Variants in GMPR2 observed in about 807,000 individuals in gnomAD.
GMPR2 encodes GMP reductase 2.
In GMPR2, 32 loss-of-function variants were observed where a neutral mutation model predicts 38.5. That is an observed-to-expected ratio of 0.83 (90% CI 0.63 to 1.12). The LOEUF is 1.12. GMPR2 is among the 50% of genes most tolerant of loss of function. The pLI is 0.00. For synonymous variants in GMPR2, 154 were observed against 151.0 expected, an observed-to-expected ratio of 1.02 and a Z score of -0.15; for missense variants, 396 against 432.1, an observed-to-expected ratio of 0.92 and a Z score of 0.74.
chr14:24,235,481 T>C (rs1235696838), intron 3 of GMPR2: 1 of 514,466 alleles, frequency 1.9e-6, no homozygotes, highest in East Asian at 3.3e-5. Context: ...GTGAATGTGC[T>C]GGCAGATGAA....
intron 8 of GMPR2, 25 bp from the exon 9 acceptor site, chr14:24,238,220 CT>C (rs757446321): frequency 3.8e-6 from 6 of 1,591,382 alleles, no homozygotes; most frequent in Non-Finnish European, 4.3e-6. Flanking sequence ...AGATTAATCT[CT>C]TTCCCCCCTC....
chr14:24,233,321 C>A lies in GMPR2; in HGVS notation c.68C>A (p.Thr23Asn). ...KDVLLRPKRS[T>N]LKSRSEVDLT... The stretch of plus-strand genomic sequence containing the variant: ...GTCCTTTTGAGGCCCAAACGCAGTA[C>A]CCTTAAGTCTCGAAGTGAGGTGAGC... The change falls in exon 2 of 10, where the codon ACC becomes AAC. Residue 23 changes from threonine (T) to asparagine (N), a missense_variant. Physicochemically the swap from Thr to Asn is moderately conservative, Grantham distance 65 (BLOSUM62 0). Transcript: ENST00000399440. The A allele has an allele frequency of 1.2e-6, 2 of 1,614,118 alleles. No individual in the cohort carries two copies. The highest frequency in any genetic ancestry group is 4.5e-5 in the East Asian group (2 of 44,882).
chr14:24,233,249 G>A lies in GMPR2; in HGVS notation c.-5G>A, dbSNP rs182695532. 1.2e-6 allele frequency: 2 copies of A among 1,614,090 alleles called. No homozygotes were observed. Among genetic ancestry groups the A allele is most frequent in the Admixed American group, 3.3e-5 (2 of 60,026 alleles). On this transcript the variant is annotated 5_prime_UTR_variant, in exon 2 of 10. Coordinates refer to ENST00000399440, the MANE Select transcript of GMPR2 (RefSeq NM_001002002.3). ...AGATTCATCGCTACCCCGAGGCTAA[G>A]CGCCATGCCTCATATTGACAACGAT...
chr14:24,237,630 G>T, intron 8 of GMPR2, 68 bp downstream of exon 8: 2 of 1,375,786 alleles, frequency 1.5e-6, no homozygotes, highest in Non-Finnish European at 2.1e-6. Context: ...AGGGTCTAGG[G>T]TCAGGCTAAG....
chr14:24,237,880 G>A, intron 8 of GMPR2: 1 of 489,748 alleles, frequency 2.0e-6, no homozygotes, highest in East Asian at 3.3e-5. Flanking sequence ...CTTCCCAGGA[G>A]ATCATTACTC....
At chr14:24,237,601 A>G in intron 8 of GMPR2, 39 bp downstream of exon 8, 3 of 1,565,436 alleles carry the variant, frequency 1.9e-6, no homozygotes, top group South Asian at 1.1e-5. Context: ...ATTCTATACA[A>G]GAGGATGAAT....
Position 24,233,594 on chromosome 14 carries a change from G to A in GMPR2, c.203G>A (p.Cys68Tyr). ...ACCTTTGAGATGGCCAAGGTTCTCT[G>A]TAAGGTAGGGCTTTCCTCATGCCCC... Reference protein sequence around the residue: ...VGTFEMAKVLCKFSLFTAVHK... With the variant: ...VGTFEMAKVLYKFSLFTAVHK... Residue 68 changes from cysteine (C) to tyrosine (Y), a missense_variant, in exon 3 of 10, where the codon TGT becomes TAT. Physicochemically the swap from Cys to Tyr is radical, Grantham distance 194 (BLOSUM62 -2). Transcript: ENST00000399440. The A allele has an allele frequency of 6.2e-7, 1 of 1,614,178 alleles. No individual in the cohort carries two copies.
intron 8 of GMPR2, 87 bp downstream of exon 8, chr14:24,237,649 A>C: frequency 1.3e-5 from 15 of 1,164,248 alleles, no homozygotes; most frequent in East Asian, 2.3e-5. Context: ...AGAGAGGCTC[A>C]GGAAGTCATT....
intron 3 of GMPR2, chr14:24,234,152 G>T (rs1415849055): frequency 9.3e-6 from 12 of 1,289,164 alleles, no homozygotes; most frequent in Non-Finnish European, 1.2e-5. Flanking sequence ...AATGGGATGT[G>T]TTTTTCTTAT....
chr14:24,236,386 C>T (rs2040345814), intron 5 of GMPR2, among the ~76,000 whole-genome samples: 1 of 152,218 alleles, frequency 6.6e-6, no homozygotes, highest in African/African-American at 2.4e-5. Flanking sequence ...CATGATGGAA[C>T]ATCTGTGCAC....
rs1450738348 is a variant in GMPR2 at position 24,233,563 on chromosome 14, G to A, written c.172G>A (p.Val58Met). 3.1e-6 allele frequency: 5 copies of A among 1,613,990 alleles called. No individual in the cohort carries two copies. Among genetic ancestry groups the A allele is most frequent in the Non-Finnish European group, 4.2e-6 (5 of 1,179,986 alleles). The change falls in exon 3 of 10, where the codon GTG becomes ATG. Residue 58 changes from valine to methionine, a missense_variant. By Grantham distance (21) the Val-to-Met change is conservative. Transcript: ENST00000399440. ...VPIIAANMDT[V>M]GTFEMAKVLC... ...CATCATTGCTGCCAATATGGATACT[G>A]TGGGCACCTTTGAGATGGCCAAGGT...
At chr14:24,238,043 A>G in intron 8 of GMPR2, 1 of 543,176 alleles carries the variant, frequency 1.8e-6, no homozygotes, top group Non-Finnish European at 3.2e-6. Flanking sequence ...TCTTTTTTAA[A>G]TCTTGGGGAA....
chr14:24,238,567 A>G, intron 9 of GMPR2, 22 bp from the exon 10 acceptor site: 2 of 1,613,932 alleles, frequency 1.2e-6, no homozygotes, highest in Non-Finnish European at 1.7e-6. Flanking sequence ...GGAGAAGATA[A>G]TAAAGTTTTT....
Position 24,235,837 on chromosome 14 carries a change from C to G in GMPR2, c.291+17C>G. On this transcript the variant is annotated intron_variant, in intron 4 of 9. Transcript: ENST00000399440. ...TGTCTTGAGGTAACACTGGGCATAC[C>G]CTGCTCCCTTCCTTATCCCAGTTTT... 1 of 1,602,884 alleles carries G rather than the reference C, an allele frequency of 6.2e-7. No individual in the cohort carries two copies. Among genetic ancestry groups the G allele is most frequent in the South Asian group, 1.1e-5 (1 of 90,886 alleles).
chr14:24,234,845 C>G (rs149619173), intron 3 of GMPR2, among the ~76,000 whole-genome samples: 1 of 152,326 alleles, frequency 6.6e-6, no homozygotes, highest in East Asian at 1.9e-4. Context: ...GTTGAGAAAG[C>G]AGAATTCAAT....
chr14:24,234,543 G>C (rs890002464), intron 3 of GMPR2, among the ~76,000 whole-genome samples: 6 of 152,218 alleles, frequency 3.9e-5, no homozygotes, highest in Non-Finnish European at 5.9e-5. Context: ...TCTGACTGCA[G>C]AGTTAACAGG....
intron 9 of GMPR2, 79 bp downstream of exon 9, chr14:24,238,484 T>C: frequency 6.2e-7 from 1 of 1,613,980 alleles, no homozygotes; most frequent in Non-Finnish European, 8.5e-7. Flanking sequence ...GGTACAGTTC[T>C]CAGAGAAGCA....
At chr14:24,235,895 G>T in intron 4 of GMPR2, 72 bp from the exon 5 acceptor site, 1 of 1,579,998 alleles carries the variant, frequency 6.3e-7, no homozygotes, top group Non-Finnish European at 8.7e-7. Context: ...CTGGGGACCA[G>T]CACTCACCAA....
chr14:24,234,860 G>A (rs184032455), intron 3 of GMPR2, among the ~76,000 whole-genome samples: 2 of 152,290 alleles, frequency 1.3e-5, no homozygotes, highest in African/African-American at 4.8e-5. Context: ...TTCAATACCA[G>A]CTTTAGCTAG....
Sources: gnomAD v4.1 joint callset for allele counts (sites outside exome capture counted in the v4.1 genomes callset) on GRCh38, gnomAD v4.1.1 for gene constraint, MANE v1.5 for transcripts, NCBI Gene and HGNC (gene_info 2026-07-23, HGNC 2026-07-21) for gene names.